Variants in DIPK1A observed in about 807,000 individuals in gnomAD.
DIPK1A encodes the protein family with sequence similarity 69 member A.
Under a neutral mutation model 40.8 loss-of-function variants are expected in DIPK1A, and 27 were observed. The ratio of observed to expected loss-of-function variants is 0.66; its 90% CI spans 0.49 to 0.91. DIPK1A has a LOEUF of 0.91. Among genes scored for constraint, DIPK1A ranks in the 40% least tolerant of loss-of-function variants. The pLI, the probability that DIPK1A is intolerant of heterozygous loss-of-function variation, is 0.00. For missense variants in DIPK1A, 412 were observed against 505.7 expected (o/e 0.81, Z 1.78); for synonymous variants, 166 against 171.3 (o/e 0.97, Z 0.24).
intron 1 of DIPK1A, among the ~76,000 whole-genome samples, chr1:92,891,295 GT>G (rs984889839): frequency 2.7e-5 from 4 of 149,170 alleles, no homozygotes; most frequent in South Asian, 2.1e-4. Flanking sequence ...ATCTTTTGTG[GT>G]TTTTTTTTAG....
chr1:92,855,558 G>T (rs1687960836), intron 2 of DIPK1A, among the ~76,000 whole-genome samples: 1 of 151,000 alleles, frequency 6.6e-6, no homozygotes, highest in Admixed American at 6.6e-5. Flanking sequence ...TTTTAAATTA[G>T]CCAGGCATGG....
At chr1:92,952,431 G>A (rs1047962616) in intron 1 of DIPK1A, among the ~76,000 whole-genome samples, 3 of 152,072 alleles carry the variant, frequency 2.0e-5, no homozygotes, top group Admixed American at 6.5e-5. Flanking sequence ...ACCAGCCTGG[G>A]CAACATGGTG....
intron 1 of DIPK1A, among the ~76,000 whole-genome samples, chr1:92,959,447 A>AC (rs1264885688): frequency 7.2e-6 from 1 of 139,608 alleles, no homozygotes; most frequent in African/African-American, 2.6e-5. Context: ...ACAGTAAAAC[A>AC]CTTTTTTTTT....
At chr1:92,878,587 G>A (rs1278954631) in intron 1 of DIPK1A, among the ~76,000 whole-genome samples, 4 of 152,094 alleles carry the variant, frequency 2.6e-5, no homozygotes, top group Non-Finnish European at 4.4e-5. Flanking sequence ...TTGGGAGGCC[G>A]AGGTGGGCGG....
intron 1 of DIPK1A, among the ~76,000 whole-genome samples, chr1:92,939,479 A>G (rs935390086): frequency 1.3e-4 from 20 of 152,178 alleles, no homozygotes; most frequent in African/African-American, 4.8e-4. Flanking sequence ...TAACCAAAAC[A>G]TTCCTAAATC....
chr1:92,901,522 C>T (rs569882589), intron 1 of DIPK1A, among the ~76,000 whole-genome samples: 14 of 152,150 alleles, frequency 9.2e-5, no homozygotes, highest in African/African-American at 3.4e-4. Flanking sequence ...CAGTATAGCA[C>T]TGAACCACTC....
At chr1:92,890,579 GTTT>G (rs1648818924) in intron 1 of DIPK1A, among the ~76,000 whole-genome samples, 1 of 152,082 alleles carries the variant, frequency 6.6e-6, no homozygotes, top group South Asian at 2.1e-4. Context: ...TGACCATAAG[GTTT>G]TTGTCTTTGG....
Position 92,846,832 on chromosome 1 carries a change from T to C in DIPK1A, c.474+351A>G, listed in dbSNP as rs367592847. Among the ~76,000 whole-genome samples, 4 of 3,024 alleles carry C rather than the reference T, an allele frequency of 1.3e-3. 2 individuals carry two copies. The highest frequency in any genetic ancestry group is 0.12 in the East Asian group (2 of 16). 2.0% of individuals were successfully genotyped at this position (3,024 alleles called of 152,430 possible). ...ATATATATATATATATATATATATA[T>C]ATATATATATGTGTGTATATATATA... is the stretch of plus-strand genomic sequence containing the variant. On this transcript the variant is annotated intron_variant, in intron 4 of 4. Coordinates refer to ENST00000370310, the MANE Select transcript of DIPK1A (RefSeq NM_001006605.5).
Position 92,844,095 on chromosome 1 carries a change from T to G in DIPK1A, c.575A>C (p.Lys192Thr). Residue 192 changes from lysine (K) to threonine (T), a missense_variant, in exon 5 of 5, where the codon AAG (lysine) becomes ACG (threonine). Lys to Thr is a moderately conservative substitution (Grantham distance 78). Coordinates refer to ENST00000370310, the MANE Select transcript of DIPK1A (RefSeq NM_001006605.5). ...KDGQVSLGEA[K>T]SAWALLQLNE... ...CAGTTGAAGAAGTGCCCATGCCGAC[T>G]TTGCTTCTCCCAAGGAAACCTGGCC... 6.4e-7 allele frequency: 1 copy of G among 1,551,846 alleles called. No homozygotes were observed. Among genetic ancestry groups the G allele is most frequent in the Non-Finnish European group, 8.7e-7 (1 of 1,147,026 alleles).
At chr1:92,836,405 T>G in intron 4 of DIPK1A, 1 of 1,611,972 alleles carries the variant, frequency 6.2e-7, no homozygotes, top group Non-Finnish European at 8.5e-7. Context: ...AAGAATACTA[T>G]TTAAGACCTT....
intron 1 of DIPK1A, among the ~76,000 whole-genome samples, chr1:92,907,429 AT>A (rs918006512): frequency 1.3e-5 from 2 of 151,604 alleles, no homozygotes; most frequent in South Asian, 2.1e-4. Context: ...CTGTGCTTTA[AT>A]TTTTTTTTAA....
intron 1 of DIPK1A, among the ~76,000 whole-genome samples, chr1:92,924,522 G>A (rs1650408618): frequency 6.6e-6 from 1 of 152,134 alleles, no homozygotes; most frequent in Non-Finnish European, 1.5e-5. Flanking sequence ...AGTATATTTG[G>A]AAGAAGGAGT....
At chr1:92,899,008 T>G (rs1037919289) in intron 1 of DIPK1A, among the ~76,000 whole-genome samples, 25 of 152,198 alleles carry the variant, frequency 1.6e-4, no homozygotes, top group African/African-American at 5.6e-4. Flanking sequence ...GATTCAAATA[T>G]CCTCCCATGT....
At chr1:92,927,893 T>A (rs1278215176) in intron 1 of DIPK1A, among the ~76,000 whole-genome samples, 1 of 152,262 alleles carries the variant, frequency 6.6e-6, no homozygotes, top group Non-Finnish European at 1.5e-5. Context: ...ACTTTTTTAC[T>A]ATTTTAAATA....
chr1:92,921,805 G>C (rs1252451037), intron 1 of DIPK1A, among the ~76,000 whole-genome samples: 1 of 152,184 alleles, frequency 6.6e-6, no homozygotes, highest in African/African-American at 2.4e-5. Flanking sequence ...GGGACCAGGA[G>C]TTCTATCCTC....
intron 4 of DIPK1A, chr1:92,837,054 G>C (rs1687158642): frequency 6.7e-6 from 2 of 299,624 alleles, no homozygotes; most frequent in Admixed American, 5.0e-5. Flanking sequence ...GGAGTTAGTT[G>C]CAAGTACACC....
intron 1 of DIPK1A, among the ~76,000 whole-genome samples, chr1:92,918,545 T>C (rs1401792265): frequency 6.6e-6 from 1 of 152,244 alleles, no homozygotes; most frequent in East Asian, 1.9e-4. Flanking sequence ...CAGTTAGCTC[T>C]TATGGAACTT....
At position 92,842,214 on chromosome 1, in the gene DIPK1A, A is replaced by T; in HGVS notation, c.*1169T>A. ...TAACCAGATGATGAATGGGAAAAGT[A>T]CCTTAAAGTAAACAAAACTGGTGCT... On this transcript the variant is annotated 3_prime_UTR_variant, in exon 5 of 5. Transcript: ENST00000370310. 1.0e-6 allele frequency: 1 copy of T among 999,794 alleles called. No individual in the cohort carries two copies. Among genetic ancestry groups the T allele is most frequent in the Non-Finnish European group, 1.2e-6 (1 of 839,160 alleles). 61.9% of individuals were successfully genotyped at this position (999,794 alleles called of 1,614,324 possible).
intron 1 of DIPK1A, among the ~76,000 whole-genome samples, chr1:92,928,350 T>C (rs563989879): frequency 6.6e-6 from 1 of 152,388 alleles, no homozygotes; most frequent in Admixed American, 6.5e-5. Context: ...TCCTTTGTGC[T>C]ACTGTTATAA....
Sources: gnomAD v4.1 joint callset for allele counts (sites outside exome capture counted in the v4.1 genomes callset) on GRCh38, gnomAD v4.1.1 for gene constraint, MANE v1.5 for transcripts, NCBI Gene and HGNC (gene_info 2026-07-23, HGNC 2026-07-21) for gene names.